Variants in DNAI4 observed in about 807,000 individuals in gnomAD.
DNAI4 encodes WD repeat domain 78.
DNAI4 carries 85 observed loss-of-function variants against 105.8 expected under a neutral mutation model. The observed-to-expected ratio is 0.80, with a 90% CI of 0.67 to 0.96. The LOEUF (loss-of-function observed/expected upper bound fraction) is 0.96. Ranked by LOEUF, DNAI4 falls within the 40% of genes least tolerant of loss-of-function variation. The pLI is 0.00. For missense variants in DNAI4, 1,014 were observed against 1,005.6 expected, an observed-to-expected ratio of 1.01 and a Z score of -0.11; for synonymous variants, 352 against 331.5, an observed-to-expected ratio of 1.06 and a Z score of -0.67.
chr1:66,875,281 G>A (rs573414496), intron 4 of DNAI4, among the ~76,000 whole-genome samples: 1 of 152,132 alleles, frequency 6.6e-6, no homozygotes, highest in Non-Finnish European at 1.5e-5. Context: ...AGTATATTTA[G>A]GGGGCATAAT....
At chr1:66,911,195 T>G (rs553384191) in intron 1 of DNAI4, among the ~76,000 whole-genome samples, 149 of 152,292 alleles carry the variant, frequency 9.8e-4, no homozygotes, top group African/African-American at 3.2e-3. Context: ...ATCACAGAAC[T>G]CAGAGAAACA....
chr1:66,863,573 C>T (rs1040430202), intron 6 of DNAI4, among the ~76,000 whole-genome samples: 4 of 152,142 alleles, frequency 2.6e-5, no homozygotes, highest in African/African-American at 7.2e-5. Flanking sequence ...ATTCTCCTGC[C>T]TCAGCCTCCC....
chr1:66,848,534 A>G (rs1646327827), intron 7 of DNAI4, among the ~76,000 whole-genome samples: 1 of 152,224 alleles, frequency 6.6e-6, no homozygotes, highest in African/African-American at 2.4e-5. Context: ...CTCTTATTTT[A>G]AAAACAGAAT....
chr1:66,893,190 TATG>T (rs1204602674), intron 3 of DNAI4, 36 bp downstream of exon 3: 1 of 1,200,972 alleles, frequency 8.3e-7, no homozygotes, highest in African/African-American at 1.6e-5. Flanking sequence ...AGGCAATATA[TATG>T]ATAGAAAAAA....
chr1:66,858,520 A>C (rs1646551475), intron 7 of DNAI4, among the ~76,000 whole-genome samples: 1 of 130,992 alleles, frequency 7.6e-6, no homozygotes, highest in Non-Finnish European at 1.6e-5. Context: ...GCAACAGAGC[A>C]AGACTCCGTC....
chr1:66,862,336 T>A (rs1646644997), intron 6 of DNAI4, 34 bp from the exon 7 acceptor site: 1 of 1,587,242 alleles, frequency 6.3e-7, no homozygotes, highest in African/African-American at 1.4e-5. Flanking sequence ...AAAATTGTTT[T>A]AAACCAAATT....
At chr1:66,867,857 A>G (rs961680863) in intron 6 of DNAI4, among the ~76,000 whole-genome samples, 1 of 152,228 alleles carries the variant, frequency 6.6e-6, no homozygotes, top group Non-Finnish European at 1.5e-5. Flanking sequence ...AGTTACTGTG[A>G]TAAGTGACAC....
intron 4 of DNAI4, among the ~76,000 whole-genome samples, chr1:66,884,222 A>G (rs1647142653): frequency 6.6e-6 from 1 of 152,212 alleles, no homozygotes. Context: ...TTCTTTATCC[A>G]TTCATCTGTT....
At chr1:66,862,106 G>A (rs1569622469) in intron 7 of DNAI4, 41 bp downstream of exon 7, 5 of 1,535,028 alleles carry the variant, frequency 3.3e-6, no homozygotes, top group Non-Finnish European at 3.5e-6. Context: ...AAAATGCCAT[G>A]TTAAAGTCAT....
intron 5 of DNAI4, among the ~76,000 whole-genome samples, chr1:66,872,331 T>A (rs1646865411): frequency 6.6e-6 from 1 of 152,010 alleles, no homozygotes; most frequent in Non-Finnish European, 1.5e-5. Flanking sequence ...CAGGTTCAAG[T>A]GATTCTCCTG....
Position 66,837,364 on chromosome 1 carries a change from CAAAAAAA to C in DNAI4, c.1581+339_1581+345del, listed in dbSNP as rs529364212. On this transcript the variant is annotated intron_variant, in intron 10 of 16. Coordinates refer to ENST00000371026, the MANE Select transcript of DNAI4 (RefSeq NM_024763.5). ...TGGGCGACAATGTAAGACTCTGTCT[CAAAAAAA>C]AAAAAAAAAAAAACATAATTTTCAA... Among the ~76,000 whole-genome samples the C allele has an allele frequency of 5.5e-4, 45 of 82,542 alleles. 1 individual carries two copies. Among genetic ancestry groups the C allele is most frequent in the Admixed American group, 1.7e-3 (12 of 7,210 alleles). The allele number at this position is 82,542 out of a possible 152,430, so 54.2% of individuals were successfully genotyped here.
At chr1:66,883,633 T>C (rs998446308) in intron 4 of DNAI4, among the ~76,000 whole-genome samples, 1 of 152,202 alleles carries the variant, frequency 6.6e-6, no homozygotes, top group Non-Finnish European at 1.5e-5. Context: ...TCATTTTGCC[T>C]GTGACATAAT....
At position 66,848,886 on chromosome 1, in the gene DNAI4, C is replaced by T. The variant is rs1015997129; in HGVS notation, c.1097-1208G>A. ...CCAAGCACAGAAAAAATTGTAGCCC[C>T]ACCCATGTGACGAAGGCCTAGAGGG... On this transcript the variant is annotated intron_variant, in intron 7 of 16. Transcript: ENST00000371026. 7.2e-5 allele frequency among the ~76,000 whole-genome samples: 11 copies of T among 152,172 alleles called. 1 individual carries two copies. In the East Asian group the frequency reaches 7.7e-4, roughly 11 times the overall value.
At chr1:66,894,954 G>A (rs2100787394) in intron 2 of DNAI4, among the ~76,000 whole-genome samples, 1 of 152,186 alleles carries the variant, frequency 6.6e-6, no homozygotes, top group Admixed American at 6.5e-5. Flanking sequence ...TAAAACTTGA[G>A]ATTTTGATTA....
At chr1:66,817,380 C>T (rs770389652) in intron 16 of DNAI4, among the ~76,000 whole-genome samples, 1 of 152,090 alleles carries the variant, frequency 6.6e-6, no homozygotes, top group Non-Finnish European at 1.5e-5. Context: ...CGAGATGAGT[C>T]TGGATAACAC....
At chr1:66,835,440 G>A (rs1572615423) in intron 11 of DNAI4, among the ~76,000 whole-genome samples, 186 bp downstream of exon 11, 3 of 152,298 alleles carry the variant, frequency 2.0e-5, no homozygotes, top group Admixed American at 6.5e-5. Context: ...CAGAGAAGAA[G>A]TTGAAGGAGC....
intron 2 of DNAI4, among the ~76,000 whole-genome samples, chr1:66,901,566 A>G (rs547736986): frequency 6.6e-6 from 1 of 151,342 alleles, no homozygotes; most frequent in East Asian, 1.9e-4. Context: ...TTAAGGTTGA[A>G]TATTTCATTG....
intron 3 of DNAI4, among the ~76,000 whole-genome samples, 158 bp downstream of exon 3, chr1:66,893,071 A>G (rs867668278): frequency 3.4e-4 from 42 of 122,414 alleles, no homozygotes; most frequent in African/African-American, 1.3e-3. Context: ...GAGAGAAAGA[A>G]AGAAAGAAAG....
At chr1:66,888,691 T>TA (rs1017996039) in intron 4 of DNAI4, among the ~76,000 whole-genome samples, 1 of 152,124 alleles carries the variant, frequency 6.6e-6, no homozygotes, top group African/African-American at 2.4e-5. Context: ...AGACTCCGTC[T>TA]AAAAAACAAA....
Sources: allele counts gnomAD v4.1 joint callset (sites outside exome capture counted in the v4.1 genomes callset), GRCh38; gene constraint gnomAD v4.1.1; transcripts MANE v1.5; gene names NCBI Gene and HGNC (gene_info 2026-07-23, HGNC 2026-07-21).